Variants in ACSL3 observed in about 807,000 individuals in gnomAD.
ACSL3 encodes the protein fatty acid CoA ligase Acsl3.
ACSL3 carries 34 observed loss-of-function variants against 84.7 expected under a neutral mutation model. The ratio of observed to expected loss-of-function variants is 0.40; its 90% confidence interval spans 0.31 to 0.53. The LOEUF is 0.53. Ranked by LOEUF, ACSL3 falls within the 20% of genes least tolerant of loss-of-function variation. The pLI, the probability that ACSL3 is intolerant of heterozygous loss-of-function variation, is 0.48. For missense variants in ACSL3, 680 were observed against 873.1 expected (o/e 0.78, Z 2.79); for synonymous variants, 315 against 299.4 (o/e 1.05, Z -0.54).
chr2:222,865,100 A>G (rs1477933611), intron 1 of ACSL3, among the ~76,000 whole-genome samples: 1 of 152,216 alleles, frequency 6.6e-6, no homozygotes, highest in Admixed American at 6.5e-5. Flanking sequence ...GAGACATTGT[A>G]AATGTTAAAT....
chr2:222,889,243 CTTAGGATA>C (rs767650779), intron 2 of ACSL3, among the ~76,000 whole-genome samples: 3 of 151,980 alleles, frequency 2.0e-5, no homozygotes, highest in Admixed American at 6.6e-5. Context: ...CAGTAGGGTA[CTTAGGATA>C]TTTGAGGAGG....
At chr2:222,898,719 C>T (rs952301349) in intron 2 of ACSL3, among the ~76,000 whole-genome samples, 6 of 152,012 alleles carry the variant, frequency 3.9e-5, no homozygotes, top group Admixed American at 1.3e-4. Flanking sequence ...CCCAGCTACT[C>T]GGGAGGCTGA....
Position 222,919,191 on chromosome 2 carries a change from A to G in ACSL3, c.794A>G (p.Lys265Arg), listed in dbSNP as rs144556995. Reference sequence around the variant, plus strand: ...GCTGCAGTGGAGGCCCTGGGAGCCAAGGCCAGCATGGGTATGTTACACTTT... The same window carrying G: ...GCTGCAGTGGAGGCCCTGGGAGCCAGGGCCAGCATGGGTATGTTACACTTT... Reference protein sequence around the residue: ...TMAAVEALGAKASMENQPHSK... With the variant: ...TMAAVEALGARASMENQPHSK... Residue 265 changes from lysine (K) to arginine (R), a missense_variant, in exon 7 of 17, where the codon AAG becomes AGG. Coordinates refer to ENST00000357430, the MANE Select transcript of ACSL3 (RefSeq NM_004457.5). 512 of 1,614,038 alleles carry G rather than the reference A, an allele frequency of 3.2e-4. 2 individuals carry two copies. In the African/African-American group the frequency reaches 6.2e-3, roughly 20 times the overall value.
At chr2:222,888,897 G>C (rs1183470031) in intron 2 of ACSL3, among the ~76,000 whole-genome samples, 2 of 152,280 alleles carry the variant, frequency 1.3e-5, no homozygotes, top group South Asian at 4.1e-4. Flanking sequence ...AGACATGTCT[G>C]TGCCTGCGTC....
chr2:222,885,552 A>G (rs556687323), intron 1 of ACSL3, among the ~76,000 whole-genome samples: 1 of 152,350 alleles, frequency 6.6e-6, no homozygotes, highest in African/African-American at 2.4e-5. Flanking sequence ...TAGAAATTCT[A>G]CAACTATGGA....
Position 222,927,135 on chromosome 2 carries a change from G to C in ACSL3, c.1411G>C (p.Val471Leu). Residue 471 changes from valine to leucine, a missense_variant, in exon 12 of 17, where the codon GTT becomes CTT. By Grantham distance (32) the Val-to-Leu change is conservative (BLOSUM62 1). This residue lies in a region of ACSL3 where 347 missense variants were observed against 525.7 expected (regional missense o/e 0.66). Transcript: ENST00000357430. ...RFMNICFCCP[V>L]GQGYGLTESA... ...CATGAACATCTGTTTCTGCTGTCCT[G>C]TTGGTCAGGGATACGGGCTCACTGA... The C allele has an allele frequency of 6.2e-7, 1 of 1,614,136 alleles. No individual in the cohort carries two copies. Among genetic ancestry groups the C allele is most frequent in the African/African-American group, 1.3e-5 (1 of 75,048 alleles).
At chr2:222,892,970 A>G (rs924787097) in intron 2 of ACSL3, among the ~76,000 whole-genome samples, 5 of 152,186 alleles carry the variant, frequency 3.3e-5, no homozygotes, top group South Asian at 4.1e-4. Context: ...GATATCCAGC[A>G]TTGTGCAAGC....
At chr2:222,920,103 G>A (rs1395991307) in intron 7 of ACSL3, among the ~76,000 whole-genome samples, 1 of 152,100 alleles carries the variant, frequency 6.6e-6, no homozygotes, top group Non-Finnish European at 1.5e-5. Flanking sequence ...AGGATCAGGG[G>A]CTGCATGCAG....
chr2:222,867,547 C>G (rs905971230), intron 1 of ACSL3, among the ~76,000 whole-genome samples: 2 of 151,976 alleles, frequency 1.3e-5, no homozygotes, highest in Admixed American at 1.3e-4. Flanking sequence ...TTATTTTATC[C>G]CCACTCAAAA....
At chr2:222,932,479 C>T (rs1015141877) in intron 14 of ACSL3, among the ~76,000 whole-genome samples, 1 of 152,132 alleles carries the variant, frequency 6.6e-6, no homozygotes, top group African/African-American at 2.4e-5. Flanking sequence ...CAGGTGTGCA[C>T]CACCACGCCC....
chr2:222,908,663 C>T (rs1696359297), intron 3 of ACSL3, 70 bp from the exon 4 acceptor site: 6 of 1,092,324 alleles, frequency 5.5e-6, no homozygotes, highest in Non-Finnish European at 6.6e-6. Context: ...TCTTCATTTG[C>T]CGATGTAACT....
At chr2:222,907,016 C>T (rs560294527) in intron 3 of ACSL3, among the ~76,000 whole-genome samples, 6 of 152,312 alleles carry the variant, frequency 3.9e-5, no homozygotes, top group South Asian at 4.1e-4. Context: ...GTTCTTACAG[C>T]CTGCTTCTCC....
intron 3 of ACSL3, among the ~76,000 whole-genome samples, chr2:222,907,387 G>A (rs544314502): frequency 2.0e-5 from 3 of 152,272 alleles, no homozygotes; most frequent in Non-Finnish European, 2.9e-5. Flanking sequence ...GGCTGCTTGC[G>A]TCACTTGGGA....
chr2:222,865,541 A>G (rs1238453467), intron 1 of ACSL3, among the ~76,000 whole-genome samples: 1 of 152,214 alleles, frequency 6.6e-6, no homozygotes, highest in Non-Finnish European at 1.5e-5. Flanking sequence ...AAAGAGGTGT[A>G]TGAACAAATT....
chr2:222,933,086 G>T, intron 14 of ACSL3, 80 bp from the exon 15 acceptor site: 2 of 747,436 alleles, frequency 2.7e-6, no homozygotes, highest in Non-Finnish European at 4.3e-6. Context: ...TTAGAGAATG[G>T]CCAGTATTTA....
At chr2:222,876,730 C>T (rs1015170549) in intron 1 of ACSL3, among the ~76,000 whole-genome samples, 24 of 151,714 alleles carry the variant, frequency 1.6e-4, no homozygotes, top group Non-Finnish European at 1.8e-4. Flanking sequence ...ATCACATACT[C>T]GGCTAGATTC....
At chr2:222,874,764 T>A (rs1279332146) in intron 1 of ACSL3, among the ~76,000 whole-genome samples, 2 of 152,142 alleles carry the variant, frequency 1.3e-5, no homozygotes, top group African/African-American at 4.8e-5. Context: ...ATAATTTTGC[T>A]TATTGGATAT....
intron 5 of ACSL3, 127 bp from the exon 6 acceptor site, chr2:222,917,919 C>T (rs1696627409): frequency 1.6e-6 from 1 of 630,280 alleles, no homozygotes; most frequent in South Asian, 2.2e-5. Context: ...AAACATAACA[C>T]TTATAGACTG....
chr2:222,932,434 T>G (rs1385564613), intron 14 of ACSL3, among the ~76,000 whole-genome samples: 1 of 152,218 alleles, frequency 6.6e-6, no homozygotes, highest in Non-Finnish European at 1.5e-5. Flanking sequence ...GTTCACGCAA[T>G]TCTCCTGCCT....
Sources: gnomAD v4.1 joint callset for allele counts (sites outside exome capture counted in the v4.1 genomes callset) on GRCh38, gnomAD v4.1.1 for gene constraint, gnomAD v4.1.1 regional missense constraint, MANE v1.5 for transcripts, NCBI Gene and HGNC (gene_info 2026-07-23, HGNC 2026-07-21) for gene names.